STK3: variants seen among roughly 807,000 people sequenced by gnomAD.
STK3 encodes the protein serine/threonine-protein kinase 3.
In STK3, 41 loss-of-function variants were observed where a neutral mutation model predicts 58.0. The ratio of observed to expected loss-of-function variants is 0.71; its 90% CI spans 0.55 to 0.92. The LOEUF (loss-of-function observed/expected upper bound fraction) is 0.92, where lower values mean the gene tolerates loss of function less well. STK3 is among the 40% of genes least tolerant of loss of function. The pLI is 0.00. For synonymous variants in STK3, 170 were observed against 191.0 expected, an observed-to-expected ratio of 0.89 and a Z score of 0.91; for missense variants, 479 against 602.7, an observed-to-expected ratio of 0.79 and a Z score of 2.15.
chr8:98,742,685 C>CCT (rs765942465), intron 4 of STK3, among the ~76,000 whole-genome samples: 7 of 149,884 alleles, frequency 4.7e-5, no homozygotes, highest in Admixed American at 2.7e-4. Context: ...ACAGGGATGC[C>CCT]CTCTCACCAC....
intron 1 of STK3, chr8:98,782,210 C>A: frequency 5.4e-6 from 1 of 186,254 alleles, no homozygotes; most frequent in South Asian, 1.1e-4. Context: ...CTGCGACTGT[C>A]CGTTCCTGGG....
intron 2 of STK3, among the ~76,000 whole-genome samples, chr8:98,770,691 G>A (rs139074965): frequency 2.0e-5 from 3 of 152,328 alleles, no homozygotes; most frequent in Middle Eastern, 3.4e-3. Context: ...AAAGGGTCCA[G>A]AGGATACCAG....
chr8:98,575,956 C>A (rs924998012), intron 8 of STK3, among the ~76,000 whole-genome samples: 2 of 152,164 alleles, frequency 1.3e-5, no homozygotes, highest in African/African-American at 2.4e-5. Flanking sequence ...TAAGAATTCA[C>A]TGACAAATCC....
intron 8 of STK3, among the ~76,000 whole-genome samples, chr8:98,574,346 A>G (rs1232667675): frequency 1.3e-5 from 2 of 152,206 alleles, no homozygotes; most frequent in African/African-American, 2.4e-5. Flanking sequence ...AAACCATGCT[A>G]CAGTTATGAG....
At chr8:98,463,809 T>C (rs1010447848) in intron 10 of STK3, among the ~76,000 whole-genome samples, 4 of 152,230 alleles carry the variant, frequency 2.6e-5, no homozygotes, top group East Asian at 1.9e-4. Context: ...AAATCTCAAA[T>C]AGCAGAAACG....
intron 6 of STK3, among the ~76,000 whole-genome samples, chr8:98,649,919 C>A (rs139625080): frequency 1.3e-5 from 2 of 152,116 alleles, no homozygotes; most frequent in African/African-American, 2.4e-5. Context: ...TAGATTTTTA[C>A]GAATTTCTTC....
intron 6 of STK3, among the ~76,000 whole-genome samples, chr8:98,620,524 A>C (rs1287071818): frequency 6.6e-6 from 1 of 150,876 alleles, no homozygotes; most frequent in Non-Finnish European, 1.5e-5. Flanking sequence ...CAAAAAAAAA[A>C]AGAAGATGTC....
In STK3 at chr8:98,673,958, T is replaced by C. The variant is rs188062409; in HGVS notation, c.684+32509A>G. ...AAAGATTAAAATAAATATACATAGG[T>C]TTGGAGTTTATGTTTTCTTTTAAGT... On this transcript the variant is annotated intron_variant, in intron 6 of 10. Coordinates refer to ENST00000419617, the MANE Select transcript of STK3 (RefSeq NM_006281.4). Among the ~76,000 whole-genome samples, 80 of 152,174 alleles carry C rather than the reference T, an allele frequency of 5.3e-4. 1 individual carries two copies. The highest frequency in any genetic ancestry group is 1.5e-3 in the African/African-American group (64 of 41,526).
chr8:98,550,184 T>C (rs1476686085), intron 8 of STK3, among the ~76,000 whole-genome samples: 2 of 152,144 alleles, frequency 1.3e-5, no homozygotes, highest in South Asian at 2.1e-4. Context: ...GGTTGTATAA[T>C]ATAACAACAG....
chr8:98,796,830 C>T (rs576682964), intron 1 of STK3, among the ~76,000 whole-genome samples: 1 of 152,142 alleles, frequency 6.6e-6, no homozygotes, highest in Non-Finnish European at 1.5e-5. Flanking sequence ...AGAAGACATA[C>T]AAGTAGCCAA....
upstream of STK3, among the ~76,000 whole-genome samples, chr8:98,389,771 C>G (rs1299557175): frequency 6.7e-6 from 1 of 150,016 alleles, no homozygotes; most frequent in East Asian, 1.9e-4. Flanking sequence ...GACCAACCAC[C>G]AAAGCCAGGA....
At chr8:98,499,372 T>A (rs1177074961) in intron 10 of STK3, among the ~76,000 whole-genome samples, 1 of 152,194 alleles carries the variant, frequency 6.6e-6, no homozygotes, top group Non-Finnish European at 1.5e-5. Flanking sequence ...ATAGCAGCCA[T>A]AGGAAACTAA....
intron 1 of STK3, among the ~76,000 whole-genome samples, chr8:98,776,620 G>A (rs1831694653): frequency 6.6e-6 from 1 of 152,152 alleles, no homozygotes; most frequent in South Asian, 2.1e-4. Flanking sequence ...TGCTGTATAT[G>A]CTATTGTCGA....
At chr8:98,573,706 T>C (rs907942024) in intron 8 of STK3, among the ~76,000 whole-genome samples, 1 of 152,146 alleles carries the variant, frequency 6.6e-6, no homozygotes, top group Non-Finnish European at 1.5e-5. Context: ...CAAAGTCTCA[T>C]CTGAGACAAG....
chr8:98,367,596 AG>A (rs1311650712), downstream of STK3, among the ~76,000 whole-genome samples: 1 of 152,206 alleles, frequency 6.6e-6, no homozygotes, highest in Non-Finnish European at 1.5e-5. Flanking sequence ...TCACATCTCC[AG>A]GTACCTGGGG....
At chr8:98,456,964 T>G (rs1819541477) in intron 10 of STK3, among the ~76,000 whole-genome samples, 1 of 152,216 alleles carries the variant, frequency 6.6e-6, no homozygotes, top group Admixed American at 6.5e-5. Context: ...CTGAAAAGAA[T>G]GAGTCATAGA....
In STK3 at chr8:98,846,731, T is replaced by C. The variant is rs1175364377; in HGVS notation, c.110+36916A>G. Among the ~76,000 whole-genome samples the C allele has an allele frequency of 3.3e-5, 5 of 152,042 alleles. No individual in the cohort carries two copies. In the South Asian group the frequency reaches 1.0e-3, roughly 32 times the overall value. ...TATTATATGATGTATCCAAGACCAA[T>C]CAGGTATTGAGGGGCATGTACCATA... On this transcript the variant is annotated intron_variant, in intron 3 of 12. Coordinates refer to the STK3 transcript ENST00000523601.
chr8:98,772,981 ATC>A (rs145245359), intron 2 of STK3, among the ~76,000 whole-genome samples: 4,375 of 152,294 alleles, frequency 0.029, 87 homozygotes, highest in Non-Finnish European at 0.041. Flanking sequence ...ACCTGTAAAA[ATC>A]TCTTATTTTT....
At chr8:98,769,312 G>A (rs1373713974) in intron 2 of STK3, among the ~76,000 whole-genome samples, 2 of 152,216 alleles carry the variant, frequency 1.3e-5, no homozygotes, top group African/African-American at 2.4e-5. Context: ...TAGGGACTCA[G>A]TGGGAGATGA....
Sources: allele counts gnomAD v4.1 joint callset (sites outside exome capture counted in the v4.1 genomes callset), GRCh38; gene constraint gnomAD v4.1.1; transcripts MANE v1.5; gene names NCBI Gene and HGNC (gene_info 2026-07-23, HGNC 2026-07-21).